The following TSHZ2 variants were observed in gnomAD, a reference collection of about 807,000 sequenced individuals.
The protein encoded by TSHZ2 is teashirt zinc finger homeobox 2, also known as teashirt homolog 2.
In TSHZ2, 21 loss-of-function variants were observed where a neutral mutation model predicts 74.4. The observed-to-expected ratio is 0.28, with a 90% CI of 0.20 to 0.41. The LOEUF (loss-of-function observed/expected upper bound fraction) is 0.41. TSHZ2 is among the 10% of genes least tolerant of loss of function. TSHZ2 has a pLI of 1.00. For synonymous variants in TSHZ2, 540 were observed against 515.3 expected (o/e 1.05, Z -0.65); for missense variants, 1,244 against 1,293.5 (o/e 0.96, Z 0.59).
intron 2 of TSHZ2, among the ~76,000 whole-genome samples, chr20:53,306,212 G>GT (rs1036466637): frequency 1.6e-4 from 25 of 152,218 alleles, no homozygotes; most frequent in African/African-American, 6.0e-4. Context: ...AGAGGACTGG[G>GT]TAGAGCCACC....
intron 1 of TSHZ2, among the ~76,000 whole-genome samples, chr20:53,061,510 T>C (rs966401507): frequency 6.6e-6 from 1 of 152,204 alleles, no homozygotes; most frequent in African/African-American, 2.4e-5. Context: ...ATCTGCCCAG[T>C]GGTGAATCCA....
intron 1 of TSHZ2, among the ~76,000 whole-genome samples, chr20:53,051,455 A>ACG (rs201174467): frequency 2.2e-4 from 28 of 124,554 alleles, no homozygotes; most frequent in South Asian, 5.1e-4. Context: ...TCTGTGGCGC[A>ACG]CGCACACACA....
At chr20:53,398,109 C>T (rs948944565) in intron 2 of TSHZ2, 1 of 152,044 alleles carries the variant, frequency 6.6e-6, no homozygotes, top group African/African-American at 2.4e-5. Context: ...TGCACATGTA[C>T]CCTAGAACTT....
intron 2 of TSHZ2, among the ~76,000 whole-genome samples, chr20:53,373,123 A>G (rs1202978294): frequency 3.3e-5 from 5 of 152,204 alleles, no homozygotes; most frequent in Non-Finnish European, 7.3e-5. Flanking sequence ...AAAGAAAATG[A>G]CCTAAGATGA....
intron 1 of TSHZ2, among the ~76,000 whole-genome samples, chr20:53,242,406 G>T (rs1568830385): frequency 1.3e-5 from 2 of 152,048 alleles, no homozygotes; most frequent in African/African-American, 4.8e-5. Context: ...CAAAAATAAT[G>T]ATCTAATTAA....
Position 53,248,427 on chromosome 20 carries a change from G to T in TSHZ2, c.41-5072G>T, listed in dbSNP as rs150406617. 3.4e-4 allele frequency among the ~76,000 whole-genome samples: 51 copies of T among 152,090 alleles called. 1 individual carries two copies. In the East Asian group the frequency reaches 8.5e-3, roughly 25 times the overall value. On this transcript the variant is annotated intron_variant, in intron 1 of 2. Coordinates refer to ENST00000371497, the MANE Select transcript of TSHZ2 (RefSeq NM_173485.6). Reference sequence around the variant, plus strand: ...TCTAAGAAGAAAATAAAATATAAGGGTTTATTTCTAATTTTTACCCACATA... The same window carrying T: ...TCTAAGAAGAAAATAAAATATAAGGTTTTATTTCTAATTTTTACCCACATA...
At chr20:53,032,662 T>C (rs1983681933) in intron 1 of TSHZ2, among the ~76,000 whole-genome samples, 1 of 152,108 alleles carries the variant, frequency 6.6e-6, no homozygotes, top group Middle Eastern at 3.2e-3. Context: ...CATTTCTCAT[T>C]GTTGGATTCA....
intron 1 of TSHZ2, among the ~76,000 whole-genome samples, chr20:53,083,527 A>T (rs2060703783): frequency 6.6e-6 from 1 of 152,260 alleles, no homozygotes; most frequent in African/African-American, 2.4e-5. Context: ...GGACTATCAG[A>T]TATGATCAGG....
intron 2 of TSHZ2, among the ~76,000 whole-genome samples, chr20:53,264,986 C>T (rs1012726559): frequency 7.2e-5 from 11 of 152,122 alleles, no homozygotes; most frequent in Admixed American, 2.0e-4. Context: ...TCCCAAGAAG[C>T]GGTAAGAGTA....
chr20:53,080,797 C>G (rs972208079), intron 1 of TSHZ2, among the ~76,000 whole-genome samples: 1 of 152,148 alleles, frequency 6.6e-6, no homozygotes, highest in Non-Finnish European at 1.5e-5. Context: ...CTGGGGACAC[C>G]TGCTTTAGAG....
chr20:53,398,194 T>C (rs1982527196), intron 2 of TSHZ2: 1 of 152,152 alleles, frequency 6.6e-6, no homozygotes, highest in Non-Finnish European at 1.5e-5. Context: ...CCAGGAAGAC[T>C]GGATGACTTG....
chr20:53,384,792 C>T (rs943981283), intron 2 of TSHZ2, among the ~76,000 whole-genome samples: 18 of 152,224 alleles, frequency 1.2e-4, no homozygotes, highest in Admixed American at 6.5e-4. Context: ...ATGTCTAAGT[C>T]TACAATTAAA....
intron 1 of TSHZ2, among the ~76,000 whole-genome samples, chr20:53,094,182 A>G (rs1187415375): frequency 1.3e-5 from 2 of 152,188 alleles, no homozygotes. Flanking sequence ...TCTGGCCTGC[A>G]AATCAGGAAA....
intron 1 of TSHZ2, among the ~76,000 whole-genome samples, chr20:53,234,728 C>A (rs531065148): frequency 6.6e-6 from 1 of 152,198 alleles, no homozygotes; most frequent in Non-Finnish European, 1.5e-5. Context: ...TGGGAAATAG[C>A]AAAGAGGTCA....
intron 1 of TSHZ2, among the ~76,000 whole-genome samples, chr20:53,088,529 A>G (rs983411979): frequency 6.6e-6 from 1 of 152,154 alleles, no homozygotes; most frequent in Non-Finnish European, 1.5e-5. Context: ...AACTCTCCCA[A>G]GTTTTTAAAT....
intron 1 of TSHZ2, among the ~76,000 whole-genome samples, chr20:53,249,684 G>A (rs1182978242): frequency 6.6e-6 from 1 of 152,214 alleles, no homozygotes; most frequent in Non-Finnish European, 1.5e-5. Flanking sequence ...CGGGGTCAAG[G>A]AGGGGCAAGT....
chr20:53,405,202 T>C (rs1982800785), intron 2 of TSHZ2, among the ~76,000 whole-genome samples: 1 of 148,264 alleles, frequency 6.7e-6, no homozygotes, highest in Non-Finnish European at 1.5e-5. Context: ...TGAGCTGAGA[T>C]TGCACCATGG....
At chr20:53,012,682 A>G (rs1446799206) in intron 1 of TSHZ2, among the ~76,000 whole-genome samples, 1 of 152,096 alleles carries the variant, frequency 6.6e-6, no homozygotes, top group African/African-American at 2.4e-5. Flanking sequence ...ACACATGCAC[A>G]TGCACACATA....
chr20:53,255,447 G>T lies in TSHZ2; in HGVS notation c.1989G>T (p.Glu663Asp). The change falls in exon 2 of 3, where the codon GAG becomes GAT. Residue 663 changes from glutamate (E) to aspartate (D), a missense_variant. Physicochemically the swap from Glu to Asp is conservative, Grantham distance 45. Coordinates refer to ENST00000371497, the MANE Select transcript of TSHZ2 (RefSeq NM_173485.6). This position sits in a 1 kb window ranked among gnomAD's most constrained non-coding sequence, Gnocchi z 4.1. ...AGAAGCTGATGAAAGAGGGCAGCGA[G>T]AAGGAGAAACCCCAGCCCCTGGAGC... ...EEEKLMKEGS[E>D]KEKPQPLEPT... 2 of 1,611,378 alleles carry T rather than the reference G, an allele frequency of 1.2e-6. No individual in the cohort carries two copies. Among genetic ancestry groups the T allele is most frequent in the Non-Finnish European group, 1.7e-6 (2 of 1,179,934 alleles).
Sources: gnomAD v4.1 joint callset for allele counts (sites outside exome capture counted in the v4.1 genomes callset) on GRCh38, gnomAD v4.1.1 for gene constraint, Gnocchi (gnomAD v3.1) non-coding constraint, MANE v1.5 for transcripts, NCBI Gene and HGNC (gene_info 2026-07-23, HGNC 2026-07-21) for gene names.